The following NTNG1 variants were observed in gnomAD, a reference collection of about 807,000 sequenced individuals.
NTNG1 encodes the protein netrin-G1.
A neutral mutation model predicts 54.0 loss-of-function variants in NTNG1; 16 were observed. That is an observed-to-expected ratio of 0.30 (90% confidence interval 0.20 to 0.45). The LOEUF is 0.45. NTNG1 is among the 20% of genes least tolerant of loss of function. The probability of loss-of-function intolerance (pLI) is 1.00; values close to 1 mark genes in which losing one functional copy is unlikely to be tolerated. For missense variants in NTNG1, 530 were observed against 678.7 expected (o/e 0.78, Z 2.43); for synonymous variants, 255 against 263.1 (o/e 0.97, Z 0.30).
chr1:107,178,683 A>T (rs1656833690), intron 2 of NTNG1, among the ~76,000 whole-genome samples: 3 of 152,174 alleles, frequency 2.0e-5, no homozygotes, highest in Admixed American at 2.0e-4. Context: ...CTAAGTTAAA[A>T]ATATTTTTGT....
intron 2 of NTNG1, among the ~76,000 whole-genome samples, chr1:107,289,895 TTTGCAG>T (rs1364695218): frequency 6.6e-6 from 1 of 152,168 alleles, no homozygotes; most frequent in Non-Finnish European, 1.5e-5. Flanking sequence ...TACATTGAAT[TTTGCAG>T]TAAACCAAGG....
At chr1:107,285,923 C>G (rs3125665) in intron 2 of NTNG1, among the ~76,000 whole-genome samples, 3 of 151,966 alleles carry the variant, frequency 2.0e-5, no homozygotes, top group South Asian at 2.1e-4. Flanking sequence ...CGCTCCTCAC[C>G]GCTATCTCTT....
intron 3 of NTNG1, among the ~76,000 whole-genome samples, chr1:107,375,975 T>C (rs879367554): frequency 8.5e-5 from 13 of 152,220 alleles, no homozygotes; most frequent in Non-Finnish European, 1.8e-4. Flanking sequence ...ATTTAATTAT[T>C]AATCAGTTGC....
intron 3 of NTNG1, among the ~76,000 whole-genome samples, chr1:107,372,569 T>G (rs1453976251): frequency 6.6e-6 from 1 of 152,072 alleles, no homozygotes; most frequent in Non-Finnish European, 1.5e-5. Flanking sequence ...TTCAACTTAT[T>G]TTATGGCTTA....
At chr1:107,302,422 C>G (rs918517112) in intron 2 of NTNG1, among the ~76,000 whole-genome samples, 3 of 152,080 alleles carry the variant, frequency 2.0e-5, no homozygotes, top group African/African-American at 7.2e-5. Flanking sequence ...TACCGCTCAC[C>G]TGCTTGGCAC....
chr1:107,420,643 A>G (rs930635741), intron 5 of NTNG1, among the ~76,000 whole-genome samples: 32 of 152,026 alleles, frequency 2.1e-4, no homozygotes, highest in Non-Finnish European at 3.8e-4. Context: ...CTTATGTTCT[A>G]GGATGCCTAA....
intron 3 of NTNG1, among the ~76,000 whole-genome samples, chr1:107,342,363 G>A (rs555894267): frequency 1.3e-5 from 2 of 152,168 alleles, no homozygotes; most frequent in East Asian, 3.9e-4. Context: ...CCATGGTTCA[G>A]ATTTAACTGC....
chr1:107,352,292 T>A (rs1322014259), intron 3 of NTNG1, among the ~76,000 whole-genome samples: 1 of 149,538 alleles, frequency 6.7e-6, no homozygotes, highest in Non-Finnish European at 1.5e-5. Context: ...TAGAGGTTCT[T>A]CATGAGGGCT....
At chr1:107,238,242 G>A (rs1238493902) in intron 2 of NTNG1, among the ~76,000 whole-genome samples, 1 of 152,182 alleles carries the variant, frequency 6.6e-6, no homozygotes, top group Non-Finnish European at 1.5e-5. Flanking sequence ...AGACTTGCAT[G>A]GGGTCTATAG....
chr1:107,324,370 G>C lies in NTNG1; in HGVS notation c.335G>C (p.Arg112Thr). The change falls in exon 3 of 8, where the codon AGA (arginine) becomes ACA (threonine). Residue 112 changes from arginine to threonine, a missense_variant. By Grantham distance (71) the Arg-to-Thr change is moderately conservative. Around this residue, in one of 2 missense-constraint regions of NTNG1, gnomAD observed 318 missense variants for 465.1 expected, o/e 0.68. Transcript: ENST00000370068. ...PPELMFDFEG[R>T]HPSTFWQSAT... ...GAGCTGATGTTTGATTTTGAAGGAA[G>C]ACATCCCTCCACATTTTGGCAGTCT... 6.2e-7 allele frequency: 1 copy of C among 1,613,808 alleles called. No individual in the cohort carries two copies. Among genetic ancestry groups the C allele is most frequent in the Non-Finnish European group, 8.5e-7 (1 of 1,179,818 alleles).
intron 7 of NTNG1, among the ~76,000 whole-genome samples, chr1:107,462,629 A>G (rs1247830408): frequency 2.0e-5 from 3 of 152,186 alleles, no homozygotes; most frequent in African/African-American, 7.2e-5. Flanking sequence ...TAATTTCCCA[A>G]ACAGGAAGCC....
intron 7 of NTNG1, among the ~76,000 whole-genome samples, chr1:107,451,007 C>T (rs1217846402): frequency 6.6e-6 from 1 of 152,096 alleles, no homozygotes; most frequent in Non-Finnish European, 1.5e-5. Context: ...GGATACTTAA[C>T]TATTATCAGC....
intron 7 of NTNG1, among the ~76,000 whole-genome samples, chr1:107,474,324 C>A (rs527897635): frequency 6.6e-6 from 1 of 152,090 alleles, no homozygotes; most frequent in African/African-American, 2.4e-5. Context: ...AGCAGGGCAC[C>A]AAGTAAAAAG....
At chr1:107,298,489 A>C (rs1029117761) in intron 2 of NTNG1, among the ~76,000 whole-genome samples, 1 of 152,252 alleles carries the variant, frequency 6.6e-6, no homozygotes, top group African/African-American at 2.4e-5. Context: ...AGAATATGCC[A>C]TCCAAGAAGC....
intron 2 of NTNG1, among the ~76,000 whole-genome samples, chr1:107,235,133 A>C (rs1344661455): frequency 6.6e-6 from 1 of 152,192 alleles, no homozygotes. Flanking sequence ...GATAAATGAC[A>C]ATAGGGGAGC....
intron 3 of NTNG1, among the ~76,000 whole-genome samples, chr1:107,355,852 T>C (rs1029619886): frequency 2.0e-5 from 3 of 152,152 alleles, no homozygotes; most frequent in Non-Finnish European, 2.9e-5. Context: ...CGGTAATCCA[T>C]GGCTTCAGTA....
chr1:107,245,635 G>A (rs1453954915), intron 2 of NTNG1, among the ~76,000 whole-genome samples: 1 of 152,104 alleles, frequency 6.6e-6, no homozygotes, highest in East Asian at 1.9e-4. Flanking sequence ...TTATTTGAAT[G>A]ATTTACAGAA....
At chr1:107,192,111 T>C (rs888734061) in intron 2 of NTNG1, among the ~76,000 whole-genome samples, 3 of 152,136 alleles carry the variant, frequency 2.0e-5, no homozygotes, top group Admixed American at 2.0e-4. Context: ...CATTGATCAG[T>C]GGTTTGTAGT....
At chr1:107,384,533 T>G (rs139272636) in intron 3 of NTNG1, among the ~76,000 whole-genome samples, 68 of 152,316 alleles carry the variant, frequency 4.5e-4, no homozygotes, top group African/African-American at 1.6e-3. Context: ...GGAAACTGCA[T>G]AGCAGTCTAT....
Sources: gnomAD v4.1 joint callset for allele counts (sites outside exome capture counted in the v4.1 genomes callset) on GRCh38, gnomAD v4.1.1 for gene constraint, gnomAD v4.1.1 regional missense constraint, MANE v1.5 for transcripts, NCBI Gene and HGNC (gene_info 2026-07-23, HGNC 2026-07-21) for gene names.